Variants in ZNF627 observed in about 807,000 individuals in gnomAD.
ZNF627 encodes zinc finger protein 627.
A neutral mutation model predicts 10.6 loss-of-function variants in ZNF627; 12 were observed. The observed-to-expected ratio is 1.13, with a 90% CI of 0.73 to 1.84. The LOEUF is 1.84. Among genes scored for constraint, ZNF627 ranks in the 40% most tolerant of loss-of-function variants. ZNF627 has a pLI of 0.00. For missense variants in ZNF627, 504 were observed against 568.4 expected, an observed-to-expected ratio of 0.89 and a Z score of 1.15; for synonymous variants, 176 against 187.1, an observed-to-expected ratio of 0.94 and a Z score of 0.48.
intron 1 of ZNF627, among the ~76,000 whole-genome samples, chr19:11,603,893 G>C (rs1210399271): frequency 6.6e-6 from 1 of 151,618 alleles, no homozygotes; most frequent in African/African-American, 2.4e-5. Flanking sequence ...CTGCAGGCTA[G>C]ACCTCCAGGG....
chr19:11,599,714 C>T (rs772806569), intron 1 of ZNF627, among the ~76,000 whole-genome samples: 13 of 151,924 alleles, frequency 8.6e-5, no homozygotes, highest in African/African-American at 4.8e-5. Flanking sequence ...GAGACCAGCC[C>T]GGCCAACATG....
chr19:11,612,848 G>T (rs1023168215), intron 1 of ZNF627, among the ~76,000 whole-genome samples: 5 of 151,554 alleles, frequency 3.3e-5, no homozygotes, highest in Non-Finnish European at 7.4e-5. Context: ...GTTACTGGGG[G>T]TTGGTGTATT....
chr19:11,605,423 A>C (rs1021789322), intron 1 of ZNF627, among the ~76,000 whole-genome samples: 5 of 152,024 alleles, frequency 3.3e-5, no homozygotes, highest in Non-Finnish European at 7.4e-5. Flanking sequence ...TGGGTAATTT[A>C]TAAAGGAAAG....
intron 1 of ZNF627, among the ~76,000 whole-genome samples, chr19:11,610,591 A>G (rs748955150): frequency 8.5e-5 from 13 of 152,114 alleles, no homozygotes; most frequent in Non-Finnish European, 1.3e-4. Flanking sequence ...TGACCGAGTA[A>G]GACCCTGTCT....
intron 1 of ZNF627, among the ~76,000 whole-genome samples, chr19:11,599,948 C>T (rs1260782160): frequency 4.6e-5 from 7 of 151,998 alleles, no homozygotes; most frequent in Non-Finnish European, 7.4e-5. Flanking sequence ...TACCTCTGTT[C>T]CAGGTTAGCG....
intron 3 of ZNF627, 54 bp from the exon 4 acceptor site, chr19:11,616,641 T>C: frequency 8.2e-7 from 1 of 1,220,292 alleles, no homozygotes; most frequent in East Asian, 2.6e-5. Flanking sequence ...TTAATAAATA[T>C]AAAATCATTT....
intron 1 of ZNF627, among the ~76,000 whole-genome samples, chr19:11,600,934 C>T (rs577491296): frequency 5.9e-5 from 9 of 152,318 alleles, no homozygotes; most frequent in African/African-American, 2.2e-4. Flanking sequence ...CAATTTCCTT[C>T]CTTGCTATAA....
Position 11,617,523 on chromosome 19 carries a change from T to C in ZNF627, c.1020T>C (p.Cys340=). 1 of 1,613,800 alleles carries C rather than the reference T, an allele frequency of 6.2e-7. No individual in the cohort carries two copies. The highest frequency in any genetic ancestry group is 1.1e-5 in the South Asian group (1 of 91,078). The change falls in exon 4 of 4, where the codon TGT becomes TGC. Residue 340 remains cysteine (C), a synonymous_variant. Coordinates refer to ENST00000361113, the MANE Select transcript of ZNF627 (RefSeq NM_145295.4). ...ATGGACCTTATAAATGTAAGGTGTG[T>C]GGGAAAGCCTTTGATTTCCCCAGTT... ...TGNGPYKCKV[C]GKAFDFPSSF...
intron 1 of ZNF627, 28 bp downstream of exon 1, chr19:11,597,658 G>T: frequency 7.5e-7 from 1 of 1,338,220 alleles, no homozygotes; most frequent in Non-Finnish European, 9.6e-7. Flanking sequence ...GGCGTCCCCA[G>T]ACCTGGGGGA....
Position 11,599,519 on chromosome 19 carries a change from A to C in ZNF627, c.3+1889A>C, listed in dbSNP as rs541885442. Reference sequence around the variant, plus strand: ...TTGAAAAGCAAAATGTACTTCAGGCAGATGGAGGCAAAATGCAGTGTCTCT... The same window carrying C: ...TTGAAAAGCAAAATGTACTTCAGGCCGATGGAGGCAAAATGCAGTGTCTCT... On this transcript the variant is annotated intron_variant, in intron 1 of 3. Transcript: ENST00000361113. Among the ~76,000 whole-genome samples, 31 of 152,338 alleles carry C rather than the reference A, an allele frequency of 2.0e-4. No individual in the cohort carries two copies. The South Asian group carries it at 5.4e-3, about 26-fold the overall frequency.
intron 1 of ZNF627, among the ~76,000 whole-genome samples, chr19:11,603,454 T>C (rs1973622149): frequency 8.5e-6 from 1 of 118,218 alleles, no homozygotes; most frequent in Non-Finnish European, 1.9e-5. Context: ...CTAATTTTTG[T>C]ATTTTTTTTT....
Position 11,614,811 on chromosome 19 carries a change from T to G in ZNF627, c.131-16T>G, listed in dbSNP as rs775956637. ...TTATACTAATTCATAATGACTTTTC[T>G]GGGTCTAAATTTTAGGAAAACAATG... On this transcript the variant is annotated splice_polypyrimidine_tract_variant and intron_variant, in intron 2 of 3. Coordinates refer to ENST00000361113, the MANE Select transcript of ZNF627 (RefSeq NM_145295.4). 4.4e-6 allele frequency: 7 copies of G among 1,598,424 alleles called. No homozygotes were observed. In the African/African-American group the frequency reaches 9.5e-5, roughly 22 times the overall value.
intron 1 of ZNF627, among the ~76,000 whole-genome samples, chr19:11,610,138 G>A (rs1284300408): frequency 2.8e-5 from 4 of 144,706 alleles, no homozygotes; most frequent in Non-Finnish European, 4.5e-5. Context: ...TGCAACCTCC[G>A]CCTCCCGGGT....
At chr19:11,606,632 C>T (rs1376368329) in intron 1 of ZNF627, among the ~76,000 whole-genome samples, 1 of 152,236 alleles carries the variant, frequency 6.6e-6, no homozygotes, top group Non-Finnish European at 1.5e-5. Flanking sequence ...TCTGTGGGGG[C>T]TCCAGTTCCC....
At chr19:11,608,650 A>AATGTCC (rs1434654924) in intron 1 of ZNF627, among the ~76,000 whole-genome samples, 4 of 152,080 alleles carry the variant, frequency 2.6e-5, no homozygotes. Flanking sequence ...ATCCTGGAGA[A>AATGTCC]ATGTCCATTC....
intron 1 of ZNF627, among the ~76,000 whole-genome samples, chr19:11,612,942 C>T (rs766332858): frequency 2.8e-4 from 43 of 151,440 alleles, no homozygotes; most frequent in Non-Finnish European, 5.3e-4. Context: ...TCAAGTAGGC[C>T]GCGGTGTCTG....
In ZNF627 at chr19:11,614,899, T is replaced by G. The variant is rs1035026074; in HGVS notation, c.191+12T>G. The G allele has an allele frequency of 1.3e-6, 2 of 1,582,920 alleles. No individual in the cohort carries two copies. Among genetic ancestry groups the G allele is most frequent in the Admixed American group, 1.8e-5 (1 of 55,812 alleles). On this transcript the variant is annotated intron_variant, in intron 3 of 3. Transcript: ENST00000361113. ...AGGAGAAATATAAGGTAATTTGCAC[T>G]CACAAAAGAAAGTTCTGTTCCTTGA...
At chr19:11,598,426 T>A (rs1973529927) in intron 1 of ZNF627, among the ~76,000 whole-genome samples, 1 of 152,166 alleles carries the variant, frequency 6.6e-6, no homozygotes, top group South Asian at 2.1e-4. Context: ...TACAAATTTT[T>A]AAAATATAAA....
intron 1 of ZNF627, among the ~76,000 whole-genome samples, chr19:11,613,867 G>A (rs1973820406): frequency 6.6e-6 from 1 of 151,094 alleles, no homozygotes; most frequent in Non-Finnish European, 1.5e-5. Flanking sequence ...AAGATACACA[G>A]TCTCAGGGTG....
Sources: gnomAD v4.1 joint callset for allele counts (sites outside exome capture counted in the v4.1 genomes callset) on GRCh38, gnomAD v4.1.1 for gene constraint, MANE v1.5 for transcripts, NCBI Gene and HGNC (gene_info 2026-07-23, HGNC 2026-07-21) for gene names.